The following IST1 variants were observed in gnomAD, a reference collection of about 807,000 sequenced individuals.
IST1 encodes the protein IST1 factor associated with ESCRT-III.
In IST1, 23 loss-of-function variants were observed where a neutral mutation model predicts 37.0. That is an observed-to-expected ratio of 0.62 (90% CI 0.45 to 0.88). The LOEUF is 0.88. Among genes scored for constraint, IST1 ranks in the 40% least tolerant of loss-of-function variants. IST1 has a pLI of 0.00. For synonymous variants in IST1, 180 were observed against 161.7 expected, an observed-to-expected ratio of 1.11 and a Z score of -0.86; for missense variants, 488 against 445.4, an observed-to-expected ratio of 1.10 and a Z score of -0.86.
intron 1 of IST1, among the ~76,000 whole-genome samples, chr16:71,914,284 G>C (rs367978390): frequency 6.6e-6 from 1 of 150,826 alleles, no homozygotes; most frequent in Non-Finnish European, 1.5e-5. Flanking sequence ...TCAGTCTCCC[G>C]AGTAGCTGGG....
At chr16:71,901,112 C>CA (rs1441793580) in intron 1 of IST1, among the ~76,000 whole-genome samples, 2 of 152,018 alleles carry the variant, frequency 1.3e-5, no homozygotes, top group Non-Finnish European at 2.9e-5. Context: ...TTATTATTTC[C>CA]AAAATTAATG....
Position 71,931,041 on chromosome 16 carries a change from C to G in IST1, c.*3228C>G, listed in dbSNP as rs1034470903. 2 of 152,098 alleles carry G rather than the reference C, an allele frequency of 1.3e-5. No individual in the cohort carries two copies. The highest frequency in any genetic ancestry group is 2.9e-5 in the Non-Finnish European group (2 of 68,014). 9.4% of individuals were successfully genotyped at this position (152,098 alleles called of 1,614,324 possible). A position where few individuals can be genotyped will look rare whatever the true frequency, so the allele number is the denominator to read the frequency against. On this transcript the variant is annotated 3_prime_UTR_variant, in exon 10 of 10. Transcript: ENST00000378799. ...GAGTTTGTGATACAAGACTTATTTCCAATAAGTTTATTTTTATGTACAATT... is the reference window on the plus strand; with the variant it reads ...GAGTTTGTGATACAAGACTTATTTCGAATAAGTTTATTTTTATGTACAATT...
chr16:71,897,098 G>A (rs1265343080), intron 1 of IST1, among the ~76,000 whole-genome samples: 1 of 151,092 alleles, frequency 6.6e-6, no homozygotes, highest in East Asian at 1.9e-4. Flanking sequence ...CTGCAGCTTC[G>A]ACCTTTCAGG....
At chr16:71,908,209 T>A (rs2142545379) in intron 1 of IST1, among the ~76,000 whole-genome samples, 1 of 151,598 alleles carries the variant, frequency 6.6e-6, no homozygotes, top group East Asian at 1.9e-4. Flanking sequence ...CCCAAAGTGC[T>A]GGGATTAGAG....
In IST1 at chr16:71,930,169, G is replaced by A. The variant is rs372910718; in HGVS notation, c.*2356G>A. On this transcript the variant is annotated 3_prime_UTR_variant, in exon 10 of 10. Coordinates refer to ENST00000378799, the MANE Select transcript of IST1 (RefSeq NM_001270975.2). ...GGATCAGAAAGGTGCCCAGGACTGG[G>A]TCTAAAGCGAAAACCTGGGAAAACA... 2 of 1,543,294 alleles carry A rather than the reference G, an allele frequency of 1.3e-6. No homozygotes were observed. Among genetic ancestry groups the A allele is most frequent in the Non-Finnish European group, 1.7e-6 (2 of 1,144,202 alleles).
chr16:71,896,289 A>C (rs2036970256), intron 1 of IST1, among the ~76,000 whole-genome samples: 1 of 152,002 alleles, frequency 6.6e-6, no homozygotes, highest in Non-Finnish European at 1.5e-5. Flanking sequence ...ATAAACTTTG[A>C]GGAGGGTCGG....
intron 1 of IST1, among the ~76,000 whole-genome samples, chr16:71,896,390 T>C (rs890094368): frequency 1.3e-5 from 2 of 152,156 alleles, no homozygotes; most frequent in African/African-American, 4.8e-5. Flanking sequence ...AACTTGAATT[T>C]TAAAATTATG....
Position 71,931,106 on chromosome 16 carries a change from G to GT in IST1, c.*3299dup, listed in dbSNP as rs754716273. Reference sequence around the variant, plus strand: ...TTGTTTGCTCTATTTGTTTTTTAATGTTTTTTACTTTATGTTTACTGTATT... The same window carrying GT: ...TTGTTTGCTCTATTTGTTTTTTAATGTTTTTTTACTTTATGTTTACTGTATT... On this transcript the variant is annotated 3_prime_UTR_variant, in exon 10 of 10. Transcript: ENST00000378799. 2.0e-5 allele frequency: 3 copies of GT among 152,022 alleles called. No individual in the cohort carries two copies. The highest frequency in any genetic ancestry group is 6.6e-5 in the Admixed American group (1 of 15,264). The allele number at this position is 152,022 out of a possible 1,614,324, so 9.4% of individuals were successfully genotyped here. A position where few individuals can be genotyped will look rare whatever the true frequency, so the allele number is the denominator to read the frequency against.
intron 1 of IST1, among the ~76,000 whole-genome samples, chr16:71,897,889 C>A (rs1031214873): frequency 3.9e-5 from 6 of 152,132 alleles, no homozygotes; most frequent in African/African-American, 1.2e-4. Context: ...GCGGAGGTTG[C>A]AGTGAGCTGA....
chr16:71,915,917 A>G (rs760963232), intron 2 of IST1, among the ~76,000 whole-genome samples, 189 bp downstream of exon 2: 1 of 149,554 alleles, frequency 6.7e-6, no homozygotes, highest in African/African-American at 2.5e-5. Context: ...TGCAACCTCC[A>G]TCTCGTGGGT....
intron 9 of IST1, among the ~76,000 whole-genome samples, chr16:71,926,718 C>T (rs1336068308): frequency 6.6e-6 from 1 of 152,174 alleles, no homozygotes; most frequent in Non-Finnish European, 1.5e-5. Context: ...ACTCTTACCT[C>T]AAAGTTCCCT....
At chr16:71,896,518 C>A (rs2036975528) in intron 1 of IST1, among the ~76,000 whole-genome samples, 1 of 152,050 alleles carries the variant, frequency 6.6e-6, no homozygotes. Context: ...CTATACCCTT[C>A]CTATGTCTGT....
At chr16:71,900,207 G>A (rs544196048) in intron 1 of IST1, among the ~76,000 whole-genome samples, 3 of 150,050 alleles carry the variant, frequency 2.0e-5, no homozygotes, top group East Asian at 2.0e-4. Flanking sequence ...AATAACACAC[G>A]TCAAAACCAA....
chr16:71,923,360 A>G lies in IST1; in HGVS notation c.832A>G (p.Thr278Ala), dbSNP rs746051047. Residue 278 changes from threonine to alanine, a missense_variant, in exon 8 of 10, where the codon ACT (threonine) becomes GCT (alanine). By Grantham distance (58) the Thr-to-Ala change is moderately conservative (BLOSUM62 0). Transcript: ENST00000378799. The stretch of plus-strand genomic sequence containing the variant: ...TATTCATCCACCTCAGATACCAGCA[A>G]CTCCCCCATCGTATGAATCTGTAAG... Reference protein sequence around the residue: ...PNIHPPQIPATPPSYESVDDI... With the variant: ...PNIHPPQIPAAPPSYESVDDI... 3.7e-6 allele frequency: 6 copies of G among 1,608,042 alleles called. No individual in the cohort carries two copies. The highest frequency in any genetic ancestry group is 2.2e-5 in the South Asian group (2 of 90,904).
At position 71,926,154 on chromosome 16, in the gene IST1, C is replaced by T. The variant is rs563461048; in HGVS notation, c.901+1337C>T. On this transcript the variant is annotated intron_variant, in intron 9 of 9. Transcript: ENST00000378799. Reference sequence around the variant, plus strand: ...CAAATTAGCTGGGTGTGGTGGCAGGCGCCTGTAATCCCAGCTACTCGGGAA... The same window carrying T: ...CAAATTAGCTGGGTGTGGTGGCAGGTGCCTGTAATCCCAGCTACTCGGGAA... Among the ~76,000 whole-genome samples the T allele has an allele frequency of 4.6e-3, 700 of 151,762 alleles. 2 individuals are homozygous for T. The highest frequency in any genetic ancestry group is 7.1e-3 in the Non-Finnish European group (482 of 67,926).
intron 1 of IST1, among the ~76,000 whole-genome samples, chr16:71,907,807 A>G (rs1461083053): frequency 4.6e-5 from 7 of 151,680 alleles, no homozygotes; most frequent in Non-Finnish European, 8.8e-5. Flanking sequence ...TTTTTATTCT[A>G]AGATTTTGTT....
intron 1 of IST1, among the ~76,000 whole-genome samples, chr16:71,911,709 GATT>G (rs2037358070): frequency 1.8e-5 from 2 of 113,660 alleles, no homozygotes; most frequent in African/African-American, 3.2e-5. Flanking sequence ...TTTAAACTTC[GATT>G]TTTTTTTTTT....
chr16:71,924,701 G>A (rs1232658695), intron 8 of IST1, 68 bp from the exon 9 acceptor site: 2 of 1,216,968 alleles, frequency 1.6e-6, no homozygotes, highest in South Asian at 1.2e-5. Context: ...GAAACACAGG[G>A]GCTTACACCA....
chr16:71,918,985 G>T (rs914160167), intron 4 of IST1, among the ~76,000 whole-genome samples: 3 of 152,170 alleles, frequency 2.0e-5, no homozygotes, highest in Non-Finnish European at 2.9e-5. Context: ...TGCTACTGTC[G>T]TTTCCTGTCT....
Sources: gnomAD v4.1 joint callset for allele counts (sites outside exome capture counted in the v4.1 genomes callset) on GRCh38, gnomAD v4.1.1 for gene constraint, MANE v1.5 for transcripts, NCBI Gene and HGNC (gene_info 2026-07-23, HGNC 2026-07-21) for gene names.